Variants in CHRDL1 observed in about 807,000 individuals in gnomAD.
CHRDL1 encodes chordin-like protein 1.
CHRDL1 carries 19 observed loss-of-function variants against 40.9 expected under a neutral mutation model. The ratio of observed to expected loss-of-function variants is 0.46; its 90% CI spans 0.32 to 0.68. The LOEUF is 0.68. Among genes scored for constraint, CHRDL1 ranks in the 30% least tolerant of loss-of-function variants. The pLI, the probability that CHRDL1 is intolerant of heterozygous loss-of-function variation, is 0.03. For synonymous variants in CHRDL1, 136 were observed against 123.4 expected, an observed-to-expected ratio of 1.10 and a Z score of -0.68; for missense variants, 329 against 352.1, an observed-to-expected ratio of 0.93 and a Z score of 0.53.
intron 9 of CHRDL1, among the ~76,000 whole-genome samples, chrX:110,685,514 C>T (rs779607694): frequency 8.9e-6 from 1 of 111,785 alleles, no homozygotes; most frequent in South Asian, 3.7e-4. Flanking sequence ...CTGTCCGCCT[C>T]GGACTCCCAA....
chrX:110,746,261 A>G (rs1167122212), intron 4 of CHRDL1, among the ~76,000 whole-genome samples: 1 of 111,159 alleles, frequency 9.0e-6, no homozygotes, highest in Non-Finnish European at 1.9e-5. Context: ...AGCCTCTAGC[A>G]AGACCACGGA....
intron 6 of CHRDL1, among the ~76,000 whole-genome samples, chrX:110,717,172 C>T (rs2070858368): frequency 8.9e-6 from 1 of 111,779 alleles, no homozygotes; most frequent in South Asian, 3.8e-4. Context: ...ATGGGGTCTG[C>T]TTAAATGCAG....
intron 4 of CHRDL1, among the ~76,000 whole-genome samples, chrX:110,748,605 G>C (rs1350599606): frequency 2.7e-5 from 3 of 112,041 alleles, no homozygotes; most frequent in African/African-American, 9.7e-5. Flanking sequence ...GTTGTCTCCT[G>C]ACTTCACTTC....
rs1410035624 is a variant in CHRDL1, at chrX:110,694,268, G to A, written c.673C>T (p.Arg225Cys). 2 of 1,208,020 alleles carry A rather than the reference G, an allele frequency of 1.7e-6. No individual in the cohort carries two copies. The highest frequency in any genetic ancestry group is 1.1e-6 in the Non-Finnish European group (1 of 893,176). ...CGGTGACTTCTGGCCCCAGGAAAGC[G>A]GGACAGACCTCCAGCCTGTCGGCTT... ...PPSRQAGGLS[R>C]FPGARSHRGA... Residue 225 changes from arginine to cysteine, a missense_variant, in exon 8 of 12, where the codon CGC becomes TGC. Physicochemically the swap from Arg to Cys is radical, Grantham distance 180 (BLOSUM62 -3). Transcript: ENST00000372042.
intron 6 of CHRDL1, 149 bp from the exon 7 acceptor site, chrX:110,700,870 G>T: frequency 2.4e-6 from 1 of 415,624 alleles, no homozygotes; most frequent in Non-Finnish European, 4.1e-6. Context: ...AAGCGGCTGT[G>T]AAAGATTTCT....
At chrX:110,739,011 G>C (rs2071314877) in intron 4 of CHRDL1, among the ~76,000 whole-genome samples, 1 of 111,526 alleles carries the variant, frequency 9.0e-6, no homozygotes, top group South Asian at 3.8e-4. Context: ...TCCCAAACCT[G>C]TACCAATGAG....
rs762366691 is a variant in CHRDL1 at position 110,694,238 on chromosome X, C to G, written c.703G>C (p.Ala235Pro). ...RFPGARSHRGALMDSQQASGT... is the reference protein window; with the variant it reads ...RFPGARSHRGPLMDSQQASGT... ...GATGCTTGCTGGGAATCCATAAGAG[C>G]TCCCCGGTGACTTCTGGCCCCAGGA... The change falls in exon 8 of 12, where the codon GCT (alanine) becomes CCT (proline). Residue 235 changes from alanine to proline, a missense_variant. Coordinates refer to ENST00000372042, the MANE Select transcript of CHRDL1 (RefSeq NM_001143981.2). 1.7e-6 allele frequency: 2 copies of G among 1,208,291 alleles called. No individual in the cohort carries two copies. The highest frequency in any genetic ancestry group is 2.2e-6 in the Non-Finnish European group (2 of 892,283).
At chrX:110,706,427 A>G (rs1001446121) in intron 6 of CHRDL1, among the ~76,000 whole-genome samples, 2 of 112,140 alleles carry the variant, frequency 1.8e-5, no homozygotes, top group African/African-American at 6.5e-5. Flanking sequence ...TTGTTTATTC[A>G]AACCTCAGTC....
chrX:110,683,613 A>G (rs1243071613), intron 9 of CHRDL1, among the ~76,000 whole-genome samples: 2 of 112,111 alleles, frequency 1.8e-5, no homozygotes, highest in African/African-American at 6.5e-5. Context: ...GTAAATGCTC[A>G]TGATAGCAAT....
chrX:110,788,827 G>A (rs922420947), intron 2 of CHRDL1, among the ~76,000 whole-genome samples: 31 of 111,577 alleles, frequency 2.8e-4, no homozygotes, highest in African/African-American at 1.0e-3. Flanking sequence ...ACCATCCGGA[G>A]ATTTAAAAAA....
chrX:110,778,073 C>G (rs2089880836), intron 2 of CHRDL1, among the ~76,000 whole-genome samples: 1 of 111,058 alleles, frequency 9.0e-6, no homozygotes, highest in Admixed American at 9.6e-5. Flanking sequence ...AAACTAGACC[C>G]CTTCCTTAAA....
intron 5 of CHRDL1, 59 bp from the exon 6 acceptor site, chrX:110,719,987 C>G (rs2070918838): frequency 1.4e-6 from 1 of 732,069 alleles, no homozygotes; most frequent in Non-Finnish European, 2.1e-6. Flanking sequence ...AAAGGCTTCA[C>G]TTAATACCTG....
chrX:110,744,282 G>T (rs1023071872), intron 4 of CHRDL1, among the ~76,000 whole-genome samples: 1 of 112,297 alleles, frequency 8.9e-6, no homozygotes, highest in African/African-American at 3.2e-5. Flanking sequence ...AGAAAACATT[G>T]TAAGTTCAGT....
intron 6 of CHRDL1, among the ~76,000 whole-genome samples, chrX:110,712,703 TAA>T (rs766401411): frequency 1.2e-3 from 117 of 95,570 alleles, no homozygotes; most frequent in African/African-American, 4.1e-3. Context: ...ACCATGTCTC[TAA>T]AAAAAAAAAA....
chrX:110,694,200 C>A lies in CHRDL1; in HGVS notation c.741G>T (p.Val247=). 1 of 1,210,123 alleles carries A rather than the reference C, an allele frequency of 8.3e-7. No homozygotes were observed. The highest frequency in any genetic ancestry group is 1.8e-5 in the South Asian group (1 of 56,873). Residue 247 remains valine (V), a synonymous_variant, in exon 8 of 12, where the codon GTG becomes GTT. Transcript: ENST00000372042. ...MDSQQASGTI[V]QIVINNKHKH... is the part of the protein sequence containing the mutation. The stretch of plus-strand genomic sequence containing the variant: ...TGTGTTTGTTATTGATGACAATTTG[C>A]ACAATGGTTCCTGATGCTTGCTGGG...
At chrX:110,755,579 G>C (rs1171269954) in intron 4 of CHRDL1, among the ~76,000 whole-genome samples, 1 of 112,124 alleles carries the variant, frequency 8.9e-6, no homozygotes, top group African/African-American at 3.2e-5. Flanking sequence ...TTACCACCTA[G>C]GCAAAAGCTT....
chrX:110,777,080 T>C (rs1263378267), intron 2 of CHRDL1, among the ~76,000 whole-genome samples: 1 of 111,725 alleles, frequency 9.0e-6, no homozygotes, highest in African/African-American at 3.2e-5. Context: ...GAATGTCATA[T>C]AGTTGGAATC....
intron 2 of CHRDL1, among the ~76,000 whole-genome samples, chrX:110,784,891 T>A (rs1255707421): frequency 2.7e-5 from 3 of 111,830 alleles, no homozygotes; most frequent in African/African-American, 9.7e-5. Flanking sequence ...GATGATATTC[T>A]CATTAGTGTC....
At chrX:110,781,986 C>T (rs2089952423) in intron 2 of CHRDL1, among the ~76,000 whole-genome samples, 1 of 111,719 alleles carries the variant, frequency 9.0e-6, no homozygotes, top group African/African-American at 3.2e-5. Context: ...CATTTTCCCC[C>T]AAATTCAGCC....
Sources: allele counts gnomAD v4.1 joint callset (sites outside exome capture counted in the v4.1 genomes callset), GRCh38; gene constraint gnomAD v4.1.1; transcripts MANE v1.5; gene names NCBI Gene and HGNC (gene_info 2026-07-23, HGNC 2026-07-21).